The following CCDC150 variants were observed in gnomAD, a reference collection of about 807,000 sequenced individuals.
CCDC150 encodes the protein coiled-coil domain containing 150.
Under a neutral mutation model 156.5 loss-of-function variants are expected in CCDC150, and 151 were observed. That is an observed-to-expected ratio of 0.97 (90% CI 0.85 to 1.10). The LOEUF (loss-of-function observed/expected upper bound fraction) is 1.10, where lower values mean the gene tolerates loss of function less well. CCDC150 is among the 50% of genes least tolerant of loss of function. The pLI, the probability that CCDC150 is intolerant of heterozygous loss-of-function variation, is 0.00. For missense variants in CCDC150, 1,312 were observed against 1,268.1 expected (o/e 1.03, Z -0.53); for synonymous variants, 452 against 429.4 (o/e 1.05, Z -0.65).
At chr2:196,719,859 T>C (rs1697775874) in intron 19 of CCDC150, 193 bp downstream of exon 19, 1 of 421,952 alleles carries the variant, frequency 2.4e-6, no homozygotes, top group Non-Finnish European at 4.2e-6. Context: ...AAATTCAAAA[T>C]GCCCCTATTG....
In CCDC150 at chr2:196,719,525, A is replaced by G. The variant is rs1697752487; in HGVS notation, c.2024A>G (p.Glu675Gly). 6.2e-7 allele frequency: 1 copy of G among 1,609,980 alleles called. No individual in the cohort carries two copies. Among genetic ancestry groups the G allele is most frequent in the Admixed American group, 1.7e-5 (1 of 59,030 alleles). ...KVGNFQRQLA[E>G]AKEDNCKVTI... ...GGAAACTTTCAGCGACAATTGGCAG[A>G]AGCTAAAGAAGACAACTGCAAAGTC... is the stretch of plus-strand genomic sequence containing the variant. The change falls in exon 19 of 28, where the codon GAA becomes GGA. Residue 675 changes from glutamate (E) to glycine (G), a missense_variant. Physicochemically the swap from Glu to Gly is moderately conservative, Grantham distance 98 (BLOSUM62 -2). Transcript: ENST00000389175.
At chr2:196,674,765 A>G (rs1163913495) in intron 10 of CCDC150, among the ~76,000 whole-genome samples, 1 of 152,164 alleles carries the variant, frequency 6.6e-6, no homozygotes, top group Non-Finnish European at 1.5e-5. Context: ...TTCATCAGGC[A>G]GCTTGATCAT....
chr2:196,691,221 T>C (rs1352037893), intron 13 of CCDC150, among the ~76,000 whole-genome samples: 3 of 152,214 alleles, frequency 2.0e-5, no homozygotes, highest in East Asian at 1.9e-4. Context: ...GCTGGCCTCA[T>C]AGAATAAGTT....
intron 15 of CCDC150, among the ~76,000 whole-genome samples, chr2:196,705,766 A>T (rs1401803311): frequency 6.6e-6 from 1 of 152,252 alleles, no homozygotes; most frequent in Non-Finnish European, 1.5e-5. Context: ...AGCTTTCTAC[A>T]TATGGCTAGC....
At chr2:196,714,776 G>A (rs1575940939) in intron 17 of CCDC150, among the ~76,000 whole-genome samples, 1 of 151,960 alleles carries the variant, frequency 6.6e-6, no homozygotes, top group South Asian at 2.1e-4. Context: ...ACATCTAGTG[G>A]CATTTTTGCA....
At chr2:196,691,074 AG>A (rs1695433515) in intron 13 of CCDC150, among the ~76,000 whole-genome samples, 1 of 65,722 alleles carries the variant, frequency 1.5e-5, no homozygotes, top group African/African-American at 4.3e-5. Context: ...ATGGCAGATA[AG>A]CTTTTCGATA....
At chr2:196,693,812 T>G (rs999863235) in intron 13 of CCDC150, among the ~76,000 whole-genome samples, 6 of 152,136 alleles carry the variant, frequency 3.9e-5, no homozygotes, top group African/African-American at 1.4e-4. Flanking sequence ...GGTGGTTCCC[T>G]TTCATTTCTG....
At chr2:196,651,405 A>G (rs1365624376) in intron 2 of CCDC150, among the ~76,000 whole-genome samples, 1 of 152,158 alleles carries the variant, frequency 6.6e-6, no homozygotes, top group Non-Finnish European at 1.5e-5. Context: ...TTCTTTTATT[A>G]ATTAGTATCC....
intron 15 of CCDC150, 76 bp from the exon 16 acceptor site, chr2:196,712,069 T>C (rs927186344): frequency 1.6e-4 from 82 of 521,406 alleles, no homozygotes; most frequent in East Asian, 3.2e-5. Flanking sequence ...TTCTGGAGTA[T>C]ATAAATATGT....
In CCDC150 at chr2:196,719,660, A is replaced by C. The variant is rs1697762696; in HGVS notation, c.2159A>C (p.Lys720Thr). 1.9e-6 allele frequency: 3 copies of C among 1,606,798 alleles called. No homozygotes were observed. ...GATTCAGAGATTGCAGGCCTCAAGA[A>C]AGAAAGGTACCTGTGGTTTTTTTTC... is the stretch of plus-strand genomic sequence containing the variant. Reference protein sequence around the residue: ...RRDSEIAGLKKERDLNQQRVQ... With the variant: ...RRDSEIAGLKTERDLNQQRVQ... The change falls in exon 19 of 28, where the codon AAA becomes ACA. Residue 720 changes from lysine (K) to threonine (T), a missense_variant. Transcript: ENST00000389175.
intron 9 of CCDC150, among the ~76,000 whole-genome samples, chr2:196,674,014 GT>G (rs767111373): frequency 2.0e-4 from 30 of 152,066 alleles, no homozygotes; most frequent in Non-Finnish European, 8.8e-5. Flanking sequence ...ATATGCTTCA[GT>G]TGCTCTACCA....
chr2:196,697,248 A>G (rs1169933434), intron 14 of CCDC150, among the ~76,000 whole-genome samples: 1 of 152,218 alleles, frequency 6.6e-6, no homozygotes, highest in Non-Finnish European at 1.5e-5. Context: ...ATCATATTGC[A>G]ATAATAAATA....
At chr2:196,675,021 C>G (rs1184000777) in intron 10 of CCDC150, among the ~76,000 whole-genome samples, 2 of 152,042 alleles carry the variant, frequency 1.3e-5, no homozygotes, top group Non-Finnish European at 2.9e-5. Context: ...CCAAATTCAC[C>G]TAACTAGTAA....
intron 15 of CCDC150, among the ~76,000 whole-genome samples, chr2:196,702,359 G>GTGTGTGTA (rs1297287524): frequency 6.6e-6 from 1 of 151,512 alleles, no homozygotes; most frequent in African/African-American, 2.4e-5. Context: ...GTGTGTGTGT[G>GTGTGTGTA]TGTGTGTGTG....
At chr2:196,680,745 G>A (rs1694769658) in intron 13 of CCDC150, among the ~76,000 whole-genome samples, 1 of 152,148 alleles carries the variant, frequency 6.6e-6, no homozygotes, top group Non-Finnish European at 1.5e-5. Context: ...CCTAGGAGTG[G>A]AACTACTGGG....
intron 21 of CCDC150, among the ~76,000 whole-genome samples, chr2:196,724,931 C>G (rs1201022185): frequency 1.3e-5 from 2 of 152,118 alleles, no homozygotes; most frequent in Non-Finnish European, 2.9e-5. Context: ...GGACAGGTGT[C>G]AGCAACTTTT....
chr2:196,700,467 G>A (rs1244334803), intron 14 of CCDC150, among the ~76,000 whole-genome samples: 5 of 151,970 alleles, frequency 3.3e-5, no homozygotes, highest in Non-Finnish European at 5.9e-5. Flanking sequence ...TTTAAATTTT[G>A]TACTTATTTT....
chr2:196,680,546 C>G (rs1305314095), intron 13 of CCDC150, among the ~76,000 whole-genome samples: 2 of 152,090 alleles, frequency 1.3e-5, no homozygotes, highest in Non-Finnish European at 2.9e-5. Context: ...AGCAATCTGC[C>G]CAGATATCTC....
intron 13 of CCDC150, among the ~76,000 whole-genome samples, chr2:196,684,870 G>A (rs1695037243): frequency 6.6e-6 from 1 of 151,774 alleles, no homozygotes; most frequent in South Asian, 2.1e-4. Flanking sequence ...GCTCTTTTTA[G>A]ATTACTGTTT....
Sources: allele counts gnomAD v4.1 joint callset (sites outside exome capture counted in the v4.1 genomes callset), GRCh38; gene constraint gnomAD v4.1.1; transcripts MANE v1.5; gene names NCBI Gene and HGNC (gene_info 2026-07-23, HGNC 2026-07-21).